Variants in LCORL observed in about 807,000 individuals in gnomAD.
The protein encoded by LCORL is ligand dependent nuclear receptor corepressor like.
LCORL carries 41 observed loss-of-function variants against 141.8 expected under a neutral mutation model. That is an observed-to-expected ratio of 0.29 (90% CI 0.23 to 0.38). The LOEUF (loss-of-function observed/expected upper bound fraction) is 0.38. Ranked by LOEUF, LCORL falls within the 10% of genes least tolerant of loss-of-function variation. LCORL has a pLI of 1.00. For missense variants in LCORL, 1,759 were observed against 2,035.0 expected (o/e 0.86, Z 2.61); for synonymous variants, 618 against 694.1 (o/e 0.89, Z 1.72).
chr4:17,924,311 C>T (rs577032062), intron 4 of LCORL, among the ~76,000 whole-genome samples: 93 of 152,288 alleles, frequency 6.1e-4, no homozygotes, highest in African/African-American at 2.0e-3. Flanking sequence ...CCCATGTCAT[C>T]GCCCAATGGG....
chr4:17,929,973 TG>T (rs1171582805), intron 4 of LCORL, among the ~76,000 whole-genome samples: 1 of 152,152 alleles, frequency 6.6e-6, no homozygotes, highest in Non-Finnish European at 1.5e-5. Flanking sequence ...ACAAAGAAGA[TG>T]TTACTGATGG....
exon 7 of LCORL, chr4:17,877,834 T>C (rs555975621): frequency 1.1e-4 from 134 of 1,230,602 alleles, no homozygotes; most frequent in Non-Finnish European, 1.3e-4. Flanking sequence ...ATTCCTCTAT[T>C]CACTACTGGC....
intron 1 of LCORL, among the ~76,000 whole-genome samples, chr4:18,018,748 A>G (rs1308565996): frequency 6.6e-6 from 1 of 152,206 alleles, no homozygotes; most frequent in Non-Finnish European, 1.5e-5. Context: ...GACGCTGCCT[A>G]CAATTCCATA....
At chr4:17,980,315 G>C (rs1717737857) in intron 1 of LCORL, among the ~76,000 whole-genome samples, 1 of 152,128 alleles carries the variant, frequency 6.6e-6, no homozygotes, top group African/African-American at 2.4e-5. Flanking sequence ...TACTTTTCTT[G>C]TCCCGCTCTG....
At chr4:17,924,540 T>C (rs1176252006) in intron 4 of LCORL, among the ~76,000 whole-genome samples, 2 of 152,202 alleles carry the variant, frequency 1.3e-5, no homozygotes, top group Non-Finnish European at 2.9e-5. Flanking sequence ...TCTTCCATCA[T>C]GGAAAGGGCA....
At chr4:17,874,708 T>C in exon 7 of LCORL, 1 of 1,233,982 alleles carries the variant, frequency 8.1e-7, no homozygotes, top group Non-Finnish European at 1.0e-6. Context: ...GAAGCAGAAG[T>C]AGCCCACCAC....
At position 17,949,031 on chromosome 4, in the gene LCORL, C is replaced by T. The variant is rs565709917; in HGVS notation, c.430+12872G>A. Among the ~76,000 whole-genome samples the T allele has an allele frequency of 2.6e-3, 393 of 152,098 alleles. 1 individual carries two copies. The highest frequency in any genetic ancestry group is 9.2e-3 in the African/African-American group (382 of 41,544). On this transcript the variant is annotated intron_variant, in intron 4 of 7. Transcript: ENST00000635767. Reference sequence around the variant, plus strand: ...TATCTGGCTTTGTGTGTGTACTGTCCAGCAACAAAGTCTCCTATTTTTAGT... The same window carrying T: ...TATCTGGCTTTGTGTGTGTACTGTCTAGCAACAAAGTCTCCTATTTTTAGT...
At chr4:17,850,079 T>A (rs1332942948) in intron 7 of LCORL, among the ~76,000 whole-genome samples, 1 of 149,576 alleles carries the variant, frequency 6.7e-6, no homozygotes, top group South Asian at 2.1e-4. Flanking sequence ...GCTAGCCATA[T>A]GTAGAAAGCT....
Position 17,884,613 on chromosome 4 carries a change from T to G in LCORL, c.776+1455A>C. On this transcript the variant is annotated intron_variant, in intron 6 of 7. Coordinates refer to ENST00000635767, the Ensembl canonical transcript of LCORL. This position sits in a 1 kb window ranked among gnomAD's most constrained non-coding sequence, Gnocchi z 4.4. ...GCTTCTAAGTGAAGAAGTAAAGTTT[T>G]TTGAGGTATGCCATAAAGTATGCCT... is the stretch of plus-strand genomic sequence containing the variant. 6.5e-7 allele frequency: 1 copy of G among 1,547,096 alleles called. No individual in the cohort carries two copies. Among genetic ancestry groups the G allele is most frequent in the Non-Finnish European group, 8.7e-7 (1 of 1,145,360 alleles).
At chr4:17,901,962 G>T (rs1730952440) in intron 5 of LCORL, among the ~76,000 whole-genome samples, 1 of 152,042 alleles carries the variant, frequency 6.6e-6, no homozygotes, top group Non-Finnish European at 1.5e-5. Context: ...AATATGGGAG[G>T]TGTGGAGGAG....
At chr4:18,017,750 GA>G (rs1468067584) in intron 1 of LCORL, among the ~76,000 whole-genome samples, 2 of 151,806 alleles carry the variant, frequency 1.3e-5, no homozygotes, top group African/African-American at 2.4e-5. Context: ...AGAATAAGAG[GA>G]AAAAAAGCTA....
Position 17,975,802 on chromosome 4 carries a change from T to C in LCORL, c.155-2917A>G, listed in dbSNP as rs371496183. On this transcript the variant is annotated intron_variant, in intron 1 of 7. Coordinates refer to ENST00000635767, the Ensembl canonical transcript of LCORL. The stretch of plus-strand genomic sequence containing the variant: ...ATGGATAGCATATGATATACACTGG[T>C]GAATATTCCATGTAACACGGAAAAG... 2.1e-4 allele frequency among the ~76,000 whole-genome samples: 32 copies of C among 152,310 alleles called. 1 individual carries two copies. In the South Asian group the frequency reaches 3.7e-3, roughly 18 times the overall value.
chr4:17,953,633 G>A (rs772926273), intron 4 of LCORL, among the ~76,000 whole-genome samples: 6 of 152,060 alleles, frequency 3.9e-5, no homozygotes, highest in Non-Finnish European at 7.4e-5. Context: ...TGTGAGTTAC[G>A]TTTTTAAAAA....
chr4:17,991,721 G>A (rs543390605), intron 1 of LCORL, among the ~76,000 whole-genome samples: 30 of 152,242 alleles, frequency 2.0e-4, no homozygotes, highest in African/African-American at 7.2e-4. Context: ...AAATAGACAA[G>A]AGGAAGAATA....
intron 6 of LCORL, chr4:17,881,112 G>A: frequency 3.1e-6 from 3 of 982,138 alleles, no homozygotes; most frequent in Non-Finnish European, 3.6e-6. Flanking sequence ...CAACTTTACT[G>A]AGCAGTAGTT....
At chr4:17,999,708 A>G (rs1415769772) in intron 1 of LCORL, among the ~76,000 whole-genome samples, 1 of 152,206 alleles carries the variant, frequency 6.6e-6, no homozygotes, top group Non-Finnish European at 1.5e-5. Flanking sequence ...TTCAGCGACA[A>G]TTTGGTAAGA....
exon 7 of LCORL, chr4:17,874,920 A>G (rs1726752778): frequency 2.4e-6 from 3 of 1,233,624 alleles, no homozygotes; most frequent in Non-Finnish European, 3.0e-6. Context: ...TGATTTATGG[A>G]GCAGAGCGTT....
At chr4:17,921,400 T>G (rs1734282429) in intron 4 of LCORL, among the ~76,000 whole-genome samples, 1 of 152,212 alleles carries the variant, frequency 6.6e-6, no homozygotes, top group Non-Finnish European at 1.5e-5. Context: ...TGTCCAGATC[T>G]ATCAGAGGAA....
chr4:17,842,476 T>C (rs1722506976), exon 8 of LCORL: 1 of 923,860 alleles, frequency 1.1e-6, no homozygotes. Context: ...AGAGAGAATA[T>C]ATAACAAGAT....
Sources: allele counts gnomAD v4.1 joint callset (sites outside exome capture counted in the v4.1 genomes callset), GRCh38; gene constraint gnomAD v4.1.1; non-coding constraint Gnocchi (gnomAD v3.1); transcripts MANE v1.5; gene names NCBI Gene and HGNC (gene_info 2026-07-23, HGNC 2026-07-21).